NSL1: variants seen among roughly 807,000 people sequenced by gnomAD.
The protein encoded by NSL1 is NSL1 component of MIS12 kinetochore complex, also known as kinetochore-associated protein NSL1 homolog.
NSL1 carries 11 observed loss-of-function variants against 25.4 expected under a neutral mutation model. The observed-to-expected ratio is 0.43, with a 90% confidence interval of 0.27 to 0.72. NSL1 has a LOEUF of 0.72. Ranked by LOEUF, NSL1 falls within the 30% of genes least tolerant of loss-of-function variation. The pLI, the probability that NSL1 is intolerant of heterozygous loss-of-function variation, is 0.19. For missense variants in NSL1, 330 were observed against 342.7 expected (o/e 0.96, Z 0.29); for synonymous variants, 118 against 120.6 (o/e 0.98, Z 0.14).
chr1:212,746,034 C>T (rs1049444983), intron 4 of NSL1, among the ~76,000 whole-genome samples: 6 of 152,122 alleles, frequency 3.9e-5, no homozygotes, highest in African/African-American at 1.4e-4. Context: ...ACCTGGACTA[C>T]GAAACTGCTA....
In NSL1 at chr1:212,726,798, G is replaced by A. The variant is rs576743559; in HGVS notation, c.*11610C>T. 102 of 237,764 alleles carry A rather than the reference G, an allele frequency of 4.3e-4. 1 individual carries two copies. In the East Asian group the frequency reaches 8.0e-3, roughly 19 times the overall value. The allele number at this position is 237,764 out of a possible 1,614,324, so 14.7% of individuals were successfully genotyped here. A position where few individuals can be genotyped will look rare whatever the true frequency, so the allele number is the denominator to read the frequency against. ...GAGAGGCTGCCAGCCACCTCGGTGG[G>A]GTCCTCCCACAATCCTCCATGTGGC... On this transcript the variant is annotated 3_prime_UTR_variant, in exon 6 of 6. Coordinates refer to ENST00000366977, the MANE Select transcript of NSL1 (RefSeq NM_015471.4).
At chr1:212,789,261 G>A (rs978386973) in intron 1 of NSL1, among the ~76,000 whole-genome samples, 1 of 151,892 alleles carries the variant, frequency 6.6e-6, no homozygotes, top group Non-Finnish European at 1.5e-5. Flanking sequence ...AACCAGGCTG[G>A]AGTGCAATGG....
rs145800407 is a variant in NSL1, at chr1:212,727,839, G to A, written c.*10569C>T. The A allele has an allele frequency of 4.5e-5, 44 of 984,020 alleles. No homozygotes were observed. The African/African-American group carries it at 4.5e-4, about 10-fold the overall frequency. The allele number at this position is 984,020 out of a possible 1,614,324, so 61.0% of individuals were successfully genotyped here. A position where few individuals can be genotyped will look rare whatever the true frequency, so the allele number is the denominator to read the frequency against. On this transcript the variant is annotated 3_prime_UTR_variant, in exon 6 of 6. Coordinates refer to ENST00000366977, the MANE Select transcript of NSL1 (RefSeq NM_015471.4). ...TATTACATAGTAATATTCACTATTC[G>A]TTAACTGCTGGGAAATTTAAAAATG...
chr1:212,751,015 A>G (rs531067813), intron 4 of NSL1, among the ~76,000 whole-genome samples: 4 of 152,318 alleles, frequency 2.6e-5, no homozygotes, highest in South Asian at 2.1e-4. Context: ...ATATACTCGT[A>G]GTAATAATTA....
Position 212,727,052 on chromosome 1 carries a change from G to A in NSL1, c.*11356C>T. On this transcript the variant is annotated 3_prime_UTR_variant, in exon 6 of 6. Transcript: ENST00000366977. ...TGGAGATGACTGCCGAGAGAGGGAGGGCGGGCTCTGGGTCACCCAGCTTCA... is the reference window on the plus strand; with the variant it reads ...TGGAGATGACTGCCGAGAGAGGGAGAGCGGGCTCTGGGTCACCCAGCTTCA... 1 of 1,503,328 alleles carries A rather than the reference G, an allele frequency of 6.7e-7. No homozygotes were observed. Among genetic ancestry groups the A allele is most frequent in the Non-Finnish European group, 8.9e-7 (1 of 1,117,696 alleles). The allele number at this position is 1,503,328 out of a possible 1,614,324, so 93.1% of individuals were successfully genotyped here.
At chr1:212,786,297 T>C (rs1222456270) in intron 2 of NSL1, among the ~76,000 whole-genome samples, 1 of 152,076 alleles carries the variant, frequency 6.6e-6, no homozygotes, top group East Asian at 1.9e-4. Context: ...CAAGAAATAA[T>C]AGTTATTTCT....
chr1:212,765,533 C>CT (rs1013996956), intron 4 of NSL1, among the ~76,000 whole-genome samples: 2 of 152,158 alleles, frequency 1.3e-5, no homozygotes, highest in Non-Finnish European at 2.9e-5. Flanking sequence ...TAAAATCCAG[C>CT]ATCTCTGCTG....
At chr1:212,779,489 C>T (rs1441784221) in intron 4 of NSL1, among the ~76,000 whole-genome samples, 1 of 126,670 alleles carries the variant, frequency 7.9e-6, no homozygotes, top group Admixed American at 7.2e-5. Flanking sequence ...CGGCCAGCCG[C>T]CCCGTCCGGG....
At chr1:212,763,234 C>T (rs1659654543) in intron 4 of NSL1, among the ~76,000 whole-genome samples, 2 of 152,200 alleles carry the variant, frequency 1.3e-5, no homozygotes, top group Admixed American at 1.3e-4. Context: ...TAACTACCCT[C>T]TGGAACATTA....
intron 4 of NSL1, among the ~76,000 whole-genome samples, chr1:212,740,691 C>G (rs1447626164): frequency 1.3e-5 from 2 of 152,026 alleles, no homozygotes; most frequent in Non-Finnish European, 2.9e-5. Flanking sequence ...TGCCCCTTTC[C>G]CAGTCAATTT....
intron 3 of NSL1, among the ~76,000 whole-genome samples, chr1:212,783,800 G>A (rs542317049): frequency 6.6e-6 from 1 of 152,234 alleles, no homozygotes; most frequent in South Asian, 2.1e-4. Context: ...TAAGAAGGAA[G>A]TCTACGGCTC....
At chr1:212,777,246 A>T (rs949657728) in intron 4 of NSL1, among the ~76,000 whole-genome samples, 3 of 152,108 alleles carry the variant, frequency 2.0e-5, no homozygotes, top group Admixed American at 6.5e-5. Context: ...GCATGGTGAC[A>T]CATGCCTGAA....
Position 212,735,347 on chromosome 1 carries a change from AAATG to A in NSL1, c.*3057_*3060del. The A allele has an allele frequency of 1.0e-6, 1 of 985,466 alleles. No homozygotes were observed. The highest frequency in any genetic ancestry group is 1.2e-6 in the Non-Finnish European group (1 of 829,936). 61.0% of individuals were successfully genotyped at this position (985,466 alleles called of 1,614,324 possible). On this transcript the variant is annotated 3_prime_UTR_variant, in exon 6 of 6. Transcript: ENST00000366977. ...AACTGTATGTGTTGAACAGATGAAT[AAATG>A]AATGAAGGTGGATAGAGAAGATAGG...
Position 212,791,771 on chromosome 1 carries a change from C to A in NSL1, c.-8G>T. The A allele has an allele frequency of 6.2e-7, 1 of 1,601,662 alleles. No homozygotes were observed. The highest frequency in any genetic ancestry group is 1.1e-5 in the South Asian group (1 of 90,440). On this transcript the variant is annotated 5_prime_UTR_variant, in exon 1 of 6. Coordinates refer to ENST00000366977, the MANE Select transcript of NSL1 (RefSeq NM_015471.4). The stretch of plus-strand genomic sequence containing the variant: ...CTCAGGAGACCCCGCCATTTTTCGT[C>A]GGAACTGTGGGCGGGGCACTCTGGG...
At chr1:212,751,285 T>C (rs1400786968) in intron 4 of NSL1, among the ~76,000 whole-genome samples, 1 of 152,218 alleles carries the variant, frequency 6.6e-6, no homozygotes, top group Non-Finnish European at 1.5e-5. Context: ...TGGGCTGACA[T>C]ACATTCTCAA....
chr1:212,773,673 ATTCCTG>A (rs1660225549), intron 4 of NSL1, among the ~76,000 whole-genome samples: 2 of 152,154 alleles, frequency 1.3e-5, no homozygotes, highest in Non-Finnish European at 2.9e-5. Context: ...ATGCTCCACC[ATTCCTG>A]CCACTGGGTA....
At chr1:212,759,943 G>A (rs777269905) in intron 4 of NSL1, among the ~76,000 whole-genome samples, 3 of 152,120 alleles carry the variant, frequency 2.0e-5, no homozygotes, top group Non-Finnish European at 4.4e-5. Context: ...ACTGCGCACT[G>A]GCATGTGCCT....
At chr1:212,757,860 G>T (rs890177850) in intron 4 of NSL1, among the ~76,000 whole-genome samples, 2 of 152,206 alleles carry the variant, frequency 1.3e-5, no homozygotes, top group African/African-American at 4.8e-5. Flanking sequence ...GGTCCTAAGC[G>T]AATATGGTGA....
Position 212,728,031 on chromosome 1 carries a change from C to A in NSL1, c.*10377G>T, listed in dbSNP as rs994517698. 3 of 985,320 alleles carry A rather than the reference C, an allele frequency of 3.0e-6. No homozygotes were observed. The African/African-American group carries it at 5.2e-5, about 17-fold the overall frequency. 61.0% of individuals were successfully genotyped at this position (985,320 alleles called of 1,614,324 possible). A position where few individuals can be genotyped will look rare whatever the true frequency, so the allele number is the denominator to read the frequency against. On this transcript the variant is annotated 3_prime_UTR_variant, in exon 6 of 6. Coordinates refer to ENST00000366977, the MANE Select transcript of NSL1 (RefSeq NM_015471.4). ...TTTGTGGTCAGAAGGCCTCGCTCTG[C>A]TCTACATGGTCTATAGACCGCTGGG...
Sources: allele counts gnomAD v4.1 joint callset (sites outside exome capture counted in the v4.1 genomes callset), GRCh38; gene constraint gnomAD v4.1.1; transcripts MANE v1.5; gene names NCBI Gene and HGNC (gene_info 2026-07-23, HGNC 2026-07-21).